Variants in CELF2 observed in about 807,000 individuals in gnomAD.
The protein encoded by CELF2 is CUGBP Elav-like family member 2.
In CELF2, 8 loss-of-function variants were observed where a neutral mutation model predicts 62.6. The ratio of observed to expected loss-of-function variants is 0.13; its 90% CI spans 0.07 to 0.23. CELF2 has a LOEUF of 0.23. Ranked by LOEUF, CELF2 falls within the 10% of genes least tolerant of loss-of-function variation. CELF2 has a pLI of 1.00. For synonymous variants in CELF2, 258 were observed against 250.0 expected (o/e 1.03, Z -0.30); for missense variants, 333 against 671.0 (o/e 0.50, Z 5.56).
the CELF2 span, among the ~76,000 whole-genome samples, chr10:10,572,342 T>A: frequency 2.0e-5 from 2 of 99,578 alleles, no homozygotes; most frequent in Admixed American, 1.0e-4. Flanking sequence ...TTTTCTTTTT[T>A]TTTTAATTTT....
In CELF2 at chr10:11,329,329, CTTTTT is replaced by C. The variant is rs3214728; in HGVS notation, c.*281_*285del. On this transcript the variant is annotated 3_prime_UTR_variant, in exon 13 of 13. Coordinates refer to ENST00000633077, the MANE Select transcript of CELF2 (RefSeq NM_001326342.2). The surrounding 1 kb of genome is among the most constrained non-coding windows in gnomAD (Gnocchi z 5.5). ...TTTTGCGATTTGAATCTCCTTTTAC[CTTTTT>C]TTTTAATTTTTTTCATTTTTGCTTT... 9 of 234,790 alleles carry C rather than the reference CTTTTT, an allele frequency of 3.8e-5. No individual in the cohort carries two copies. Among genetic ancestry groups the C allele is most frequent in the East Asian group, 3.3e-4 (4 of 12,050 alleles). 14.5% of individuals were successfully genotyped at this position (234,790 alleles called of 1,614,324 possible).
intron 1 of CELF2, among the ~76,000 whole-genome samples, chr10:10,891,499 G>A (rs887494940): frequency 8.6e-5 from 13 of 151,322 alleles, no homozygotes; most frequent in South Asian, 2.1e-4. Context: ...ACTTACAAAC[G>A]TTAGAGCTTG....
chr10:10,557,515 G>A, the CELF2 span, among the ~76,000 whole-genome samples: 33 of 145,458 alleles, frequency 2.3e-4, no homozygotes, highest in Middle Eastern at 3.5e-3. Context: ...TTGGCGATGC[G>A]AGCTCTTTTT....
intron 1 of CELF2, among the ~76,000 whole-genome samples, chr10:10,806,725 G>C (rs931545490): frequency 2.0e-5 from 3 of 152,192 alleles, no homozygotes; most frequent in Non-Finnish European, 4.4e-5. Flanking sequence ...TTGATGACAA[G>C]TCAGGTGGAA....
chr10:10,565,542 C>A, the CELF2 span, among the ~76,000 whole-genome samples: 1 of 152,204 alleles, frequency 6.6e-6, no homozygotes, highest in African/African-American at 2.4e-5. Context: ...AACGCCGCTC[C>A]TTATTCTAAC....
At chr10:10,808,182 T>G (rs137880387) in intron 1 of CELF2, among the ~76,000 whole-genome samples, 141 of 152,336 alleles carry the variant, frequency 9.3e-4, no homozygotes, top group African/African-American at 3.2e-3. Context: ...GAATTATGAC[T>G]GACGACATCA....
At chr10:10,589,050 G>A in the CELF2 span, among the ~76,000 whole-genome samples, 1 of 152,206 alleles carries the variant, frequency 6.6e-6, no homozygotes, top group East Asian at 1.9e-4. Context: ...TGCCCAAGGT[G>A]CTCAGGCTAC....
the CELF2 span, among the ~76,000 whole-genome samples, chr10:10,617,256 AG>A: frequency 6.6e-6 from 1 of 152,190 alleles, no homozygotes; most frequent in African/African-American, 2.4e-5. Flanking sequence ...CCAAAATAAT[AG>A]TTAACATGTA....
intron 9 of CELF2, among the ~76,000 whole-genome samples, chr10:11,301,708 G>A (rs191073841): frequency 1.1e-4 from 17 of 150,802 alleles, no homozygotes; most frequent in Admixed American, 1.1e-3. Context: ...CTCTGGCCCT[G>A]GCCCGGTGGC....
intron 1 of CELF2, among the ~76,000 whole-genome samples, chr10:11,029,773 A>G (rs2059813019): frequency 6.6e-6 from 1 of 152,234 alleles, no homozygotes; most frequent in African/African-American, 2.4e-5. Context: ...TTTCTGTACA[A>G]ATTAATTGGT....
At chr10:11,126,518 A>G (rs970140380) in intron 1 of CELF2, among the ~76,000 whole-genome samples, 1 of 152,300 alleles carries the variant, frequency 6.6e-6, no homozygotes, top group Non-Finnish European at 1.5e-5. Context: ...GAATACAGGG[A>G]TTATATTTTC....
At chr10:11,085,126 T>C (rs2046356297) in intron 1 of CELF2, among the ~76,000 whole-genome samples, 1 of 152,272 alleles carries the variant, frequency 6.6e-6, no homozygotes, top group Non-Finnish European at 1.5e-5. Flanking sequence ...TGATTTTATA[T>C]TTAATCATCA....
intron 2 of CELF2, among the ~76,000 whole-genome samples, chr10:11,210,359 G>A (rs1214982977): frequency 1.3e-5 from 2 of 152,114 alleles, no homozygotes; most frequent in Admixed American, 1.3e-4. Context: ...TCTTGACCCT[G>A]GGGCAGAGTC....
intron 2 of CELF2, among the ~76,000 whole-genome samples, chr10:10,951,443 C>T (rs2048309177): frequency 6.6e-6 from 1 of 151,992 alleles, no homozygotes; most frequent in African/African-American, 2.4e-5. Context: ...GGCCCTTCTC[C>T]AACACAAAAA....
chr10:10,691,659 C>A, the CELF2 span, among the ~76,000 whole-genome samples: 33,332 of 148,826 alleles, frequency 0.22, 3,976 homozygotes, highest in South Asian at 0.42. Flanking sequence ...CACATCCTCT[C>A]CAGCACCTGT....
chr10:10,968,414 A>T (rs2050383419), intron 2 of CELF2, among the ~76,000 whole-genome samples: 1 of 152,298 alleles, frequency 6.6e-6, no homozygotes, highest in East Asian at 1.9e-4. Flanking sequence ...TGCGTATATC[A>T]TGCTGTATTT....
At chr10:10,571,772 G>C in the CELF2 span, among the ~76,000 whole-genome samples, 1 of 152,290 alleles carries the variant, frequency 6.6e-6, no homozygotes, top group East Asian at 1.9e-4. Flanking sequence ...GAGTGACCGT[G>C]GGTCATGAGA....
Position 11,053,076 on chromosome 10 carries a change from A to G in CELF2, c.74+34913A>G, listed in dbSNP as rs564448450. On this transcript the variant is annotated intron_variant, in intron 1 of 12. Transcript: ENST00000633077. ...ATTTATTTTCTGGAAAACCAAGGTTATAGCAAAGTAAGTTGTACTCACAGG... is the reference window on the plus strand; with the variant it reads ...ATTTATTTTCTGGAAAACCAAGGTTGTAGCAAAGTAAGTTGTACTCACAGG... 2.8e-4 allele frequency among the ~76,000 whole-genome samples: 42 copies of G among 152,290 alleles called. No homozygotes were observed. In the South Asian group the frequency reaches 5.8e-3, roughly 21 times the overall value.
intron 1 of CELF2, among the ~76,000 whole-genome samples, chr10:10,902,654 G>T (rs1209751752): frequency 6.6e-6 from 1 of 152,052 alleles, no homozygotes. Context: ...GAGTTGTTAG[G>T]TTGATTTATT....
Sources: allele counts gnomAD v4.1 joint callset (sites outside exome capture counted in the v4.1 genomes callset), GRCh38; gene constraint gnomAD v4.1.1; non-coding constraint Gnocchi (gnomAD v3.1); transcripts MANE v1.5; gene names NCBI Gene and HGNC (gene_info 2026-07-23, HGNC 2026-07-21).